ERBB4: variants seen among roughly 807,000 people sequenced by gnomAD.
ERBB4 encodes the protein erb-b2 receptor tyrosine kinase 4.
In ERBB4, 42 loss-of-function variants were observed where a neutral mutation model predicts 158.0. The ratio of observed to expected loss-of-function variants is 0.27; its 90% confidence interval spans 0.21 to 0.34. The LOEUF is 0.34. Among genes scored for constraint, ERBB4 ranks in the 10% least tolerant of loss-of-function variants. ERBB4 has a pLI of 1.00. For missense variants in ERBB4, 1,333 were observed against 1,624.1 expected, an observed-to-expected ratio of 0.82 and a Z score of 3.08; for synonymous variants, 583 against 558.7, an observed-to-expected ratio of 1.04 and a Z score of -0.61.
intron 1 of ERBB4, among the ~76,000 whole-genome samples, chr2:212,513,600 C>A (rs941937338): frequency 4.6e-5 from 7 of 152,098 alleles, no homozygotes; most frequent in African/African-American, 1.7e-4. Context: ...ATCAAGAGGT[C>A]AGGAGATCGA....
At chr2:211,961,534 T>TG (rs1168512303) in intron 2 of ERBB4, among the ~76,000 whole-genome samples, 1 of 152,154 alleles carries the variant, frequency 6.6e-6, no homozygotes, top group Non-Finnish European at 1.5e-5. Flanking sequence ...CTAACACAAG[T>TG]GACAGACTAA....
intron 1 of ERBB4, among the ~76,000 whole-genome samples, chr2:212,185,107 G>A (rs142748018): frequency 9.3e-5 from 14 of 150,616 alleles, no homozygotes; most frequent in African/African-American, 3.4e-4. Flanking sequence ...TGCAACCTAC[G>A]CTTCCCTGGT....
intron 1 of ERBB4, among the ~76,000 whole-genome samples, chr2:212,140,932 C>T (rs1306141847): frequency 6.7e-6 from 1 of 149,894 alleles, no homozygotes; most frequent in African/African-American, 2.5e-5. Flanking sequence ...TGTGTATGCT[C>T]TAGGTTCTTT....
intron 1 of ERBB4, among the ~76,000 whole-genome samples, chr2:212,185,643 T>A (rs1261722370): frequency 6.6e-6 from 1 of 151,966 alleles, no homozygotes; most frequent in Non-Finnish European, 1.5e-5. Flanking sequence ...TTCCTGGGAA[T>A]ATAGGACCAT....
intron 2 of ERBB4, among the ~76,000 whole-genome samples, chr2:211,993,581 T>C (rs1182295057): frequency 6.6e-6 from 1 of 151,822 alleles, no homozygotes; most frequent in Non-Finnish European, 1.5e-5. Flanking sequence ...ATTGCTATTT[T>C]TTTTTTCATC....
chr2:212,160,327 T>A (rs181958927), intron 1 of ERBB4, among the ~76,000 whole-genome samples: 4 of 152,044 alleles, frequency 2.6e-5, no homozygotes, highest in Admixed American at 2.6e-4. Flanking sequence ...CAGTGCCTAT[T>A]TAAAAATAAA....
intron 1 of ERBB4, among the ~76,000 whole-genome samples, chr2:212,390,856 C>T (rs1053140586): frequency 1.3e-5 from 2 of 151,760 alleles, no homozygotes; most frequent in Non-Finnish European, 3.0e-5. Flanking sequence ...GTCCACAGGT[C>T]TTACTTTATA....
In ERBB4 at chr2:211,944,263, CTTGGTT is replaced by C. The variant is rs2080616175; in HGVS notation, c.421+3161_421+3166del. Among the ~76,000 whole-genome samples the C allele has an allele frequency of 3.5e-5, 5 of 144,458 alleles. No homozygotes were observed. In the Admixed American group the frequency reaches 3.5e-4, roughly 10 times the overall value. The allele number at this position is 144,458 out of a possible 152,430, so 94.8% of individuals were successfully genotyped here. On this transcript the variant is annotated intron_variant, in intron 3 of 27. Transcript: ENST00000342788. ...CACTTAAAGTCTTCATCTCAAAACT[CTTGGTT>C]ACAACACTCTGTACACTTCCCATCC... is the stretch of plus-strand genomic sequence containing the variant.
intron 17 of ERBB4, among the ~76,000 whole-genome samples, 154 bp downstream of exon 17, chr2:211,630,303 CTGATT>C (rs2070056114): frequency 6.6e-6 from 1 of 152,162 alleles, no homozygotes; most frequent in Non-Finnish European, 1.5e-5. Flanking sequence ...ACAACATAAT[CTGATT>C]TTTCACAAGC....
At chr2:212,137,527 A>C (rs745573344) in intron 1 of ERBB4, among the ~76,000 whole-genome samples, 18 of 152,132 alleles carry the variant, frequency 1.2e-4, no homozygotes, top group Non-Finnish European at 1.8e-4. Flanking sequence ...TTGTAGCTGC[A>C]TAGTATTCCA....
chr2:211,944,143 CATATACACTATAT>C (rs1188969384), intron 3 of ERBB4, among the ~76,000 whole-genome samples: 49 of 96,310 alleles, frequency 5.1e-4, no homozygotes, highest in Non-Finnish European at 4.0e-4. Flanking sequence ...GTACACTATA[CATATACACTATAT>C]ATATACACTA....
At chr2:212,507,812 T>C (rs1691278759) in intron 1 of ERBB4, among the ~76,000 whole-genome samples, 2 of 152,194 alleles carry the variant, frequency 1.3e-5, no homozygotes, top group African/African-American at 2.4e-5. Context: ...CAACGAAAGA[T>C]TTACAATACT....
intron 3 of ERBB4, among the ~76,000 whole-genome samples, chr2:211,946,652 G>A (rs1351844635): frequency 1.5e-5 from 2 of 130,358 alleles, no homozygotes; most frequent in South Asian, 2.4e-4. Flanking sequence ...GCAATGGTGC[G>A]ATCTCAATAA....
At chr2:212,441,844 T>A (rs1361661156) in intron 1 of ERBB4, among the ~76,000 whole-genome samples, 1 of 152,174 alleles carries the variant, frequency 6.6e-6, no homozygotes, top group Non-Finnish European at 1.5e-5. Flanking sequence ...GATGGTGGCG[T>A]GGATTAATCA....
At chr2:211,983,572 C>A (rs2081861118) in intron 2 of ERBB4, among the ~76,000 whole-genome samples, 1 of 152,100 alleles carries the variant, frequency 6.6e-6, no homozygotes, top group South Asian at 2.1e-4. Flanking sequence ...AAAAGCATAT[C>A]CTGAAGATAA....
chr2:212,240,664 A>AAAAAAAAAC (rs1559823336), intron 1 of ERBB4, among the ~76,000 whole-genome samples: 4 of 148,134 alleles, frequency 2.7e-5, no homozygotes, highest in African/African-American at 1.0e-4. Context: ...AAAAAAAAAA[A>AAAAAAAAAC]AAACAGAAAA....
intron 20 of ERBB4, among the ~76,000 whole-genome samples, chr2:211,444,421 CTT>C (rs1377618905): frequency 2.0e-5 from 3 of 152,114 alleles, no homozygotes; most frequent in South Asian, 4.1e-4. Context: ...TTGTGTTACT[CTT>C]AAGTTATCTA....
intron 3 of ERBB4, among the ~76,000 whole-genome samples, chr2:211,876,587 T>C (rs2078509384): frequency 6.6e-6 from 1 of 152,156 alleles, no homozygotes; most frequent in Non-Finnish European, 1.5e-5. Context: ...AAAGGGTATA[T>C]GTAATGATTG....
At chr2:212,167,314 C>T (rs1285788878) in intron 1 of ERBB4, among the ~76,000 whole-genome samples, 5 of 151,282 alleles carry the variant, frequency 3.3e-5, no homozygotes, top group South Asian at 2.1e-4. Context: ...AAGATATTTA[C>T]GTGGCCAACA....
Sources: allele counts gnomAD v4.1 joint callset (sites outside exome capture counted in the v4.1 genomes callset), GRCh38; gene constraint gnomAD v4.1.1; transcripts MANE v1.5; gene names NCBI Gene and HGNC (gene_info 2026-07-23, HGNC 2026-07-21).